EFCAB13: variants seen among roughly 807,000 people sequenced by gnomAD.
The protein encoded by EFCAB13 is EF-hand calcium binding domain 13.
A neutral mutation model predicts 110.2 loss-of-function variants in EFCAB13; 91 were observed. The observed-to-expected ratio is 0.83, with a 90% CI of 0.70 to 0.98. EFCAB13 has a LOEUF of 0.98. Ranked by LOEUF, EFCAB13 falls within the 50% of genes least tolerant of loss-of-function variation. The pLI, the probability that EFCAB13 is intolerant of heterozygous loss-of-function variation, is 0.00. For missense variants in EFCAB13, 968 were observed against 1,119.4 expected, an observed-to-expected ratio of 0.86 and a Z score of 1.93; for synonymous variants, 323 against 369.9, an observed-to-expected ratio of 0.87 and a Z score of 1.45.
intron 23 of EFCAB13, among the ~76,000 whole-genome samples, chr17:47,424,362 G>C (rs1314244867): frequency 6.6e-6 from 1 of 152,228 alleles, no homozygotes; most frequent in South Asian, 2.1e-4. Flanking sequence ...AGAAAAGCAC[G>C]AAGCTGTGGA....
At chr17:47,381,809 T>A (rs2065648553) in intron 14 of EFCAB13, among the ~76,000 whole-genome samples, 1 of 152,222 alleles carries the variant, frequency 6.6e-6, no homozygotes, top group Non-Finnish European at 1.5e-5. Flanking sequence ...CTAGCTTTCT[T>A]CTTTTTGCTT....
chr17:47,440,113 A>AT (rs896510172), intron 24 of EFCAB13, among the ~76,000 whole-genome samples: 4 of 152,088 alleles, frequency 2.6e-5, no homozygotes, highest in African/African-American at 9.7e-5. Context: ...GGAATAATCA[A>AT]TTTTTTTAAA....
rs762284912 is a variant in EFCAB13 at position 47,370,412 on chromosome 17, A to G, written c.806-25A>G. On this transcript the variant is annotated intron_variant, in intron 10 of 24. Coordinates refer to ENST00000331493, the MANE Select transcript of EFCAB13 (RefSeq NM_152347.5). ...TATATCTATGTTCAAAAGTAAATAC[A>G]GTATTTGAACTTATTCTATTACAGG... The G allele has an allele frequency of 4.0e-5, 56 of 1,408,046 alleles. 3 individuals are homozygous for G. In the South Asian group the frequency reaches 6.3e-4, roughly 16 times the overall value. The allele number at this position is 1,408,046 out of a possible 1,614,324, so 87.2% of individuals were successfully genotyped here.
At position 47,333,519 on chromosome 17, in the gene EFCAB13, A is replaced by G. The variant is rs1050556308; in HGVS notation, c.31-1677A>G. Among the ~76,000 whole-genome samples the G allele has an allele frequency of 2.6e-5, 4 of 152,076 alleles. No homozygotes were observed. The East Asian group carries it at 5.8e-4, about 22-fold the overall frequency. ...ATCCAACAAATCATTCCCCAGACCAATGTGGTAGAGCTTTTCCCCTATCTT... is the reference window on the plus strand; with the variant it reads ...ATCCAACAAATCATTCCCCAGACCAGTGTGGTAGAGCTTTTCCCCTATCTT... On this transcript the variant is annotated intron_variant, in intron 4 of 24. Coordinates refer to ENST00000331493, the MANE Select transcript of EFCAB13 (RefSeq NM_152347.5).
chr17:47,379,352 T>A, intron 14 of EFCAB13, 99 bp downstream of exon 14: 1 of 894,408 alleles, frequency 1.1e-6, no homozygotes, highest in Non-Finnish European at 1.8e-6. Flanking sequence ...GATGGATACT[T>A]AATAGTCCTG....
chr17:47,425,957 A>G (rs1904939406), intron 23 of EFCAB13, among the ~76,000 whole-genome samples: 1 of 152,246 alleles, frequency 6.6e-6, no homozygotes, highest in South Asian at 2.1e-4. Context: ...AGCACAATGT[A>G]TCAAAGCTAT....
At chr17:47,388,050 G>A (rs1025066997) in intron 14 of EFCAB13, among the ~76,000 whole-genome samples, 2 of 152,216 alleles carry the variant, frequency 1.3e-5, no homozygotes, top group Non-Finnish European at 2.9e-5. Flanking sequence ...TGGTACTGCT[G>A]AACAGCCACT....
intron 23 of EFCAB13, among the ~76,000 whole-genome samples, chr17:47,427,226 C>T (rs1488115451): frequency 1.3e-5 from 2 of 151,966 alleles, no homozygotes; most frequent in African/African-American, 4.8e-5. Context: ...GAATTTTATG[C>T]CTCCTATATA....
chr17:47,377,081 G>A (rs1440170879), intron 12 of EFCAB13, among the ~76,000 whole-genome samples: 1 of 152,126 alleles, frequency 6.6e-6, no homozygotes, highest in Non-Finnish European at 1.5e-5. Flanking sequence ...TAATGGGAGG[G>A]TGAAGAACTC....
At chr17:47,407,400 C>T (rs2065810535) in intron 20 of EFCAB13, among the ~76,000 whole-genome samples, 1 of 152,046 alleles carries the variant, frequency 6.6e-6, no homozygotes. Flanking sequence ...ATTTAAATGG[C>T]CACATGTGAC....
chr17:47,402,051 G>C, intron 17 of EFCAB13, 81 bp from the exon 18 acceptor site: 1 of 1,067,860 alleles, frequency 9.4e-7, no homozygotes, highest in Non-Finnish European at 1.5e-6. Flanking sequence ...GCATCAAATG[G>C]TTTACATTTT....
chr17:47,436,136 G>A (rs932473190), intron 24 of EFCAB13, among the ~76,000 whole-genome samples: 1 of 152,084 alleles, frequency 6.6e-6, no homozygotes, highest in African/African-American at 2.4e-5. Context: ...CTTGATCATG[G>A]TGGATTATCT....
intron 4 of EFCAB13, chr17:47,328,913 G>A (rs1018381523): frequency 5.9e-5 from 9 of 152,284 alleles, no homozygotes; most frequent in Middle Eastern, 3.4e-3. Flanking sequence ...AGAAAAAAGG[G>A]ACTATTGAAA....
chr17:47,391,630 G>C, intron 15 of EFCAB13, 50 bp downstream of exon 15: 3 of 1,457,548 alleles, frequency 2.1e-6, no homozygotes, highest in Non-Finnish European at 2.7e-6. Flanking sequence ...TGGAAGGAGG[G>C]TCAATTTGTT....
At chr17:47,340,088 A>AT (rs1322173863) in intron 5 of EFCAB13, 3 of 152,214 alleles carry the variant, frequency 2.0e-5, no homozygotes, top group African/African-American at 7.2e-5. Flanking sequence ...CATCAAATAT[A>AT]TTTAAGTCTA....
At chr17:47,409,929 C>T (rs1225680497) in intron 21 of EFCAB13, among the ~76,000 whole-genome samples, 1 of 151,924 alleles carries the variant, frequency 6.6e-6, no homozygotes, top group Non-Finnish European at 1.5e-5. Flanking sequence ...TATTTTGTAC[C>T]ATTATCCTTG....
rs1905313578 is a variant in EFCAB13, at chr17:47,440,974, A to G, written c.*260A>G. 3 of 264,708 alleles carry G rather than the reference A, an allele frequency of 1.1e-5. No individual in the cohort carries two copies. The highest frequency in any genetic ancestry group is 1.5e-4 in the South Asian group (2 of 13,318). 16.4% of individuals were successfully genotyped at this position (264,708 alleles called of 1,614,324 possible). ...TATACAGTTCTTTGGATTCTTAAAA[A>G]TAATGTAATGTAACCCTTACTATAC... On this transcript the variant is annotated 3_prime_UTR_variant, in exon 25 of 25. Coordinates refer to ENST00000331493, the MANE Select transcript of EFCAB13 (RefSeq NM_152347.5).
At chr17:47,383,745 A>G (rs1598743309) in intron 14 of EFCAB13, among the ~76,000 whole-genome samples, 1 of 152,110 alleles carries the variant, frequency 6.6e-6, no homozygotes, top group South Asian at 2.1e-4. Flanking sequence ...AGAAGAGTGC[A>G]TATTCTGTTG....
chr17:47,357,608 T>G (rs2065488334), intron 9 of EFCAB13, among the ~76,000 whole-genome samples: 1 of 152,174 alleles, frequency 6.6e-6, no homozygotes, highest in Non-Finnish European at 1.5e-5. Flanking sequence ...AGAAGTGGGA[T>G]TTCACCATGT....
Sources: allele counts gnomAD v4.1 joint callset (sites outside exome capture counted in the v4.1 genomes callset), GRCh38; gene constraint gnomAD v4.1.1; transcripts MANE v1.5; gene names NCBI Gene and HGNC (gene_info 2026-07-23, HGNC 2026-07-21).